NREP: variants seen among roughly 807,000 people sequenced by gnomAD.
NREP encodes the protein neuronal regeneration related protein.
A neutral mutation model predicts 8.6 loss-of-function variants in NREP; 5 were observed. The observed-to-expected ratio is 0.58, with a 90% CI of 0.30 to 1.22. The LOEUF (loss-of-function observed/expected upper bound fraction) is 1.22, where lower values mean the gene tolerates loss of function less well. Ranked by LOEUF, NREP falls within the 50% of genes most tolerant of loss-of-function variation. The pLI, the probability that NREP is intolerant of heterozygous loss-of-function variation, is 0.07. For synonymous variants in NREP, 27 were observed against 28.0 expected (o/e 0.96, Z 0.11); for missense variants, 86 against 82.5 (o/e 1.04, Z -0.17).
Position 111,735,424 on chromosome 5 carries a change from T to C in NREP, c.81+6A>G. The C allele has an allele frequency of 1.3e-6, 2 of 1,590,838 alleles. No individual in the cohort carries two copies. Among genetic ancestry groups the C allele is most frequent in the Non-Finnish European group, 1.7e-6 (2 of 1,159,260 alleles). ...GTGTTAACAATATGGCATCTAAGGA[T>C]CTTACCTTAGGAAGCCTTCCCTCCA... On this transcript the variant is annotated splice_donor_region_variant and intron_variant, in intron 3 of 3. Transcript: ENST00000257435.
intron 2 of NREP, among the ~76,000 whole-genome samples, chr5:111,865,232 A>G (rs1184746365): frequency 6.6e-6 from 1 of 152,146 alleles, no homozygotes; most frequent in Non-Finnish European, 1.5e-5. Context: ...AGCCCTTAGT[A>G]ACATCTAGAT....
chr5:111,838,855 G>C (rs1752959633), intron 2 of NREP, among the ~76,000 whole-genome samples: 1 of 151,992 alleles, frequency 6.6e-6, no homozygotes, highest in African/African-American at 2.4e-5. Flanking sequence ...CATATGTGTA[G>C]CTGATGTATA....
chr5:111,737,923 T>G (rs1162513784), intron 2 of NREP, among the ~76,000 whole-genome samples: 1 of 152,170 alleles, frequency 6.6e-6, no homozygotes, highest in African/African-American at 2.4e-5. Flanking sequence ...AATCATCAAG[T>G]AATCATTGTA....
At chr5:111,938,460 T>C (rs748110325) in intron 2 of NREP, among the ~76,000 whole-genome samples, 6 of 152,076 alleles carry the variant, frequency 3.9e-5, no homozygotes, top group Non-Finnish European at 8.8e-5. Flanking sequence ...TCCAGGCAAG[T>C]GAAACTTAAA....
At chr5:111,839,527 C>G (rs1752973684) in intron 2 of NREP, among the ~76,000 whole-genome samples, 1 of 152,092 alleles carries the variant, frequency 6.6e-6, no homozygotes, top group Non-Finnish European at 1.5e-5. Context: ...TACCAAAATT[C>G]TCCTGTACAA....
chr5:111,874,838 T>A (rs928891727), intron 2 of NREP, among the ~76,000 whole-genome samples: 1 of 152,138 alleles, frequency 6.6e-6, no homozygotes, highest in African/African-American at 2.4e-5. Context: ...GTGAACTAAA[T>A]AGGATGATTC....
rs367823591 is a variant in NREP, at chr5:111,858,370, G to A, written c.135+116904C>T. ...CATGATCTGGTTTTTCCACAACCCG[G>A]GTCTCTCCCACCAAGTCCAGAGCAC... On this transcript the variant is annotated intron_variant, in intron 2 of 3. Coordinates refer to the NREP transcript ENST00000395634. Among the ~76,000 whole-genome samples, 3 of 151,790 alleles carry A rather than the reference G, an allele frequency of 2.0e-5. No individual in the cohort carries two copies. In the East Asian group the frequency reaches 5.8e-4, roughly 29 times the overall value.
chr5:111,911,307 T>C (rs1202836020), intron 2 of NREP, among the ~76,000 whole-genome samples: 1 of 152,150 alleles, frequency 6.6e-6, no homozygotes, highest in African/African-American at 2.4e-5. Flanking sequence ...TAAGTTTTTC[T>C]AAATAGACTG....
chr5:111,729,158 A>AAAGG (rs1748337228), downstream of NREP: 1 of 152,190 alleles, frequency 6.6e-6, no homozygotes, highest in Non-Finnish European at 1.5e-5. Flanking sequence ...AAAACGCATG[A>AAAGG]AAGGCAGAGC....
chr5:111,899,869 G>T (rs1754600944), intron 2 of NREP, among the ~76,000 whole-genome samples: 1 of 152,038 alleles, frequency 6.6e-6, no homozygotes, highest in Non-Finnish European at 1.5e-5. Context: ...TAATAGCTGG[G>T]GACTTCAACA....
intron 2 of NREP, among the ~76,000 whole-genome samples, chr5:111,824,607 C>T (rs1752580209): frequency 1.3e-5 from 2 of 151,914 alleles, no homozygotes; most frequent in African/African-American, 2.4e-5. Flanking sequence ...TGGAAGGGCA[C>T]ATTTATGTTA....
intron 2 of NREP, among the ~76,000 whole-genome samples, chr5:111,742,519 G>A (rs1749745742): frequency 6.6e-6 from 1 of 152,026 alleles, no homozygotes; most frequent in African/African-American, 2.4e-5. Context: ...TGCTTGTTTG[G>A]CTGCTGAGTG....
chr5:111,784,551 T>C (rs1258070325), intron 2 of NREP, among the ~76,000 whole-genome samples: 1 of 152,206 alleles, frequency 6.6e-6, no homozygotes, highest in Non-Finnish European at 1.5e-5. Context: ...CATTACTGTT[T>C]TACACTATTG....
rs200357080 is a variant in NREP at position 111,955,912 on chromosome 5, AAC to A, written c.135+19360_135+19361del. Among the ~76,000 whole-genome samples, 1,140 of 141,578 alleles carry A rather than the reference AAC, an allele frequency of 8.1e-3. 51 individuals are homozygous for A. In the East Asian group the frequency reaches 0.081, roughly 10 times the overall value. 92.9% of individuals were successfully genotyped at this position (141,578 alleles called of 152,430 possible). A position where few individuals can be genotyped will look rare whatever the true frequency, so the allele number is the denominator to read the frequency against. On this transcript the variant is annotated intron_variant, in intron 2 of 3. Coordinates refer to the NREP transcript ENST00000395634. Reference sequence around the variant, plus strand: ...TCATTCCTGTAGTGAAAAAAAAAAAAACAAAAACGTTGGGCTTCCTGTTTAAG... The same window carrying A: ...TCATTCCTGTAGTGAAAAAAAAAAAAAAAAACGTTGGGCTTCCTGTTTAAG...
intron 2 of NREP, among the ~76,000 whole-genome samples, chr5:111,872,922 GGATTT>G (rs1753822068): frequency 6.6e-6 from 1 of 152,106 alleles, no homozygotes; most frequent in Admixed American, 6.6e-5. Flanking sequence ...AAATGGCTTT[GGATTT>G]TCACAGGCTG....
chr5:111,735,342 GGTA>G (rs1398755183), intron 3 of NREP, 85 bp downstream of exon 3: 4 of 826,066 alleles, frequency 4.8e-6, no homozygotes, highest in Non-Finnish European at 8.2e-6. Flanking sequence ...GCCTATAATG[GGTA>G]TTCAAATGAA....
At chr5:111,872,658 G>A (rs1333654451) in intron 2 of NREP, among the ~76,000 whole-genome samples, 1 of 152,076 alleles carries the variant, frequency 6.6e-6, no homozygotes. Flanking sequence ...GGTATGGTTA[G>A]AACACCTTAA....
At chr5:111,968,950 A>T (rs1471184280) in intron 2 of NREP, among the ~76,000 whole-genome samples, 1 of 152,222 alleles carries the variant, frequency 6.6e-6, no homozygotes, top group African/African-American at 2.4e-5. Flanking sequence ...AAAATAGGTC[A>T]AACTTTGTTT....
intron 2 of NREP, among the ~76,000 whole-genome samples, chr5:111,785,057 G>A (rs1751577547): frequency 1.3e-5 from 2 of 152,130 alleles, no homozygotes; most frequent in African/African-American, 4.8e-5. Context: ...TTAAAGATGT[G>A]TATGAACTGC....
Sources: allele counts gnomAD v4.1 joint callset (sites outside exome capture counted in the v4.1 genomes callset), GRCh38; gene constraint gnomAD v4.1.1; transcripts MANE v1.5; gene names NCBI Gene and HGNC (gene_info 2026-07-23, HGNC 2026-07-21).